Variants in POR observed in about 807,000 individuals in gnomAD.
POR encodes cytochrome p450 oxidoreductase, also known as NADPH--cytochrome P450 reductase.
In POR, 56 loss-of-function variants were observed where a neutral mutation model predicts 84.0. The observed-to-expected ratio is 0.67, with a 90% CI of 0.54 to 0.83. The LOEUF (loss-of-function observed/expected upper bound fraction) is 0.83. Ranked by LOEUF, POR falls within the 40% of genes least tolerant of loss-of-function variation. The probability of loss-of-function intolerance (pLI) is 0.00; values close to 1 mark genes in which losing one functional copy is unlikely to be tolerated. For synonymous variants in POR, 414 were observed against 400.5 expected (o/e 1.03, Z -0.40); for missense variants, 938 against 944.3 (o/e 0.99, Z 0.09).
intron 1 of POR, among the ~76,000 whole-genome samples, chr7:75,936,298 GTGGTCTCACTTTGTTGCCCAGGC>G (rs1339012836): frequency 6.6e-6 from 1 of 150,602 alleles, no homozygotes; most frequent in African/African-American, 2.4e-5. Context: ...GATGGAGGGG[GTGGTCTCACTTTGTTGCCCAGGC>G]TGGTCTCGAA....
chr7:75,985,106 A>C lies in POR; in HGVS notation c.1297A>C (p.Ile433Leu). 2.5e-6 allele frequency: 4 copies of C among 1,600,012 alleles called. No individual in the cohort carries two copies. The highest frequency in any genetic ancestry group is 2.7e-5 in the African/African-American group (2 of 74,988). The change falls in exon 12 of 16, where the codon ATC (isoleucine) becomes CTC (leucine). Residue 433 changes from isoleucine (I) to leucine (L), a missense_variant. Coordinates refer to ENST00000461988, the MANE Select transcript of POR (RefSeq NM_000941.3). ...GGAGGCCCGGAGGCACATCCTGGCC[A>C]TCCTGCAGGACTGCCCGTCCCTGCG...
chr7:75,979,675 G>A (rs1585127335), intron 4 of POR, 96 bp downstream of exon 4: 9 of 1,523,164 alleles, frequency 5.9e-6, no homozygotes, highest in East Asian at 2.3e-5. Flanking sequence ...GGCCGGCAGG[G>A]AGTGGGGTCC....
intron 1 of POR, among the ~76,000 whole-genome samples, chr7:75,932,226 G>A (rs1437888465): frequency 6.6e-6 from 1 of 151,238 alleles, no homozygotes; most frequent in Non-Finnish European, 1.5e-5. Flanking sequence ...GTCTGCCCAG[G>A]CTGGAGTGCA....
chr7:75,944,024 A>G (rs1434714544), intron 1 of POR: 2 of 345,454 alleles, frequency 5.8e-6, no homozygotes, highest in African/African-American at 2.2e-5. Context: ...TGGGAGTGAC[A>G]TTAGAGGAGG....
chr7:75,936,295 G>T (rs1201197092), intron 1 of POR, among the ~76,000 whole-genome samples: 1 of 150,524 alleles, frequency 6.6e-6, no homozygotes, highest in South Asian at 2.1e-4. Context: ...TGAGATGGAG[G>T]GGGTGGTCTC....
chr7:75,937,798 G>T (rs1342893760), intron 1 of POR, among the ~76,000 whole-genome samples: 1 of 151,998 alleles, frequency 6.6e-6, no homozygotes. Context: ...AAAAACAATT[G>T]AGGCAAAAGT....
At chr7:75,982,457 T>C in intron 8 of POR, 135 bp downstream of exon 8, 1 of 724,304 alleles carries the variant, frequency 1.4e-6, no homozygotes, top group Non-Finnish European at 2.3e-6. Flanking sequence ...GGTGTGAGTG[T>C]CCACGACCTG....
intron 2 of POR, among the ~76,000 whole-genome samples, chr7:75,969,392 A>G (rs1788334598): frequency 6.6e-6 from 1 of 152,110 alleles, no homozygotes; most frequent in South Asian, 2.1e-4. Context: ...GGCTCTTCCC[A>G]TCTTGCTGGG....
intron 2 of POR, among the ~76,000 whole-genome samples, chr7:75,959,121 C>G (rs1787818944): frequency 6.6e-6 from 1 of 152,036 alleles, no homozygotes; most frequent in Admixed American, 6.6e-5. Context: ...ACTTGTGATC[C>G]CAGCTCTTTG....
chr7:75,924,820 T>G (rs1807039950), intron 1 of POR, among the ~76,000 whole-genome samples: 1 of 152,140 alleles, frequency 6.6e-6, no homozygotes, highest in African/African-American at 2.4e-5. Context: ...GCGCTGGGTG[T>G]TTATGTCTCA....
chr7:75,968,106 C>T (rs781942875), intron 2 of POR: 3 of 455,622 alleles, frequency 6.6e-6, no homozygotes, highest in South Asian at 4.7e-5. Flanking sequence ...CTCGTCTCCA[C>T]CTGAGGAGCC....
intron 1 of POR, among the ~76,000 whole-genome samples, chr7:75,952,336 G>T (rs1437672113): frequency 8.1e-6 from 1 of 123,640 alleles, no homozygotes; most frequent in African/African-American, 3.4e-5. Flanking sequence ...GGGCAAAGGG[G>T]CTCCTCACTT....
intron 2 of POR, among the ~76,000 whole-genome samples, chr7:75,959,465 TTTG>T (rs1554554215): frequency 6.6e-6 from 1 of 152,198 alleles, no homozygotes; most frequent in Non-Finnish European, 1.5e-5. Flanking sequence ...ATTTATTTAT[TTTG>T]TTTTAGAGAC....
In POR at chr7:75,986,051, C is replaced by A; in HGVS notation, c.1798C>A (p.Arg600=). Residue 600 remains arginine (R), a synonymous_variant, in exon 14 of 16, where the codon CGG becomes AGG. Transcript: ENST00000461988. Reference sequence around the variant, plus strand: ...CACCCAGCTCAACGTGGCCTTCTCCCGGGAGCAGTCCCACAAGGTGAGACG... The same window carrying A: ...CACCCAGCTCAACGTGGCCTTCTCCAGGGAGCAGTCCCACAAGGTGAGACG... 6.4e-7 allele frequency: 1 copy of A among 1,560,154 alleles called. No individual in the cohort carries two copies. The highest frequency in any genetic ancestry group is 1.2e-5 in the South Asian group (1 of 84,924).
At chr7:75,958,332 G>A (rs1245601024) in intron 2 of POR, among the ~76,000 whole-genome samples, 1 of 151,934 alleles carries the variant, frequency 6.6e-6, no homozygotes, top group South Asian at 2.1e-4. Flanking sequence ...TGCCCAGGCT[G>A]GTCTGAAACT....
intron 1 of POR, among the ~76,000 whole-genome samples, chr7:75,950,069 A>G (rs1215122132): frequency 6.8e-6 from 1 of 146,444 alleles, no homozygotes; most frequent in African/African-American, 2.5e-5. Flanking sequence ...ACGGGGTTTC[A>G]CTGTGTTAGC....
chr7:75,976,903 T>C (rs1364919176), intron 3 of POR, among the ~76,000 whole-genome samples: 1 of 152,062 alleles, frequency 6.6e-6, no homozygotes, highest in African/African-American at 2.4e-5. Context: ...CAGGCTGGAG[T>C]GCAGTGGCTC....
intron 10 of POR, among the ~76,000 whole-genome samples, chr7:75,984,520 G>A (rs1192666037): frequency 1.3e-5 from 2 of 152,194 alleles, no homozygotes; most frequent in Non-Finnish European, 2.9e-5. Context: ...AGCACAGCGG[G>A]TGCGTTAGTG....
chr7:75,972,376 C>A, intron 2 of POR, 37 bp from the exon 3 acceptor site: 1 of 1,589,388 alleles, frequency 6.3e-7, no homozygotes, highest in Non-Finnish European at 8.6e-7. Context: ...CCCATGACAC[C>A]TGCCTCCCAC....
Sources: gnomAD v4.1 joint callset for allele counts (sites outside exome capture counted in the v4.1 genomes callset) on GRCh38, gnomAD v4.1.1 for gene constraint, MANE v1.5 for transcripts, NCBI Gene and HGNC (gene_info 2026-07-23, HGNC 2026-07-21) for gene names.